The following NT5C3A variants were observed in gnomAD, a reference collection of about 807,000 sequenced individuals.
NT5C3A encodes the protein 5'-nucleotidase, cytosolic IIIA.
Under a neutral mutation model 40.0 loss-of-function variants are expected in NT5C3A, and 23 were observed. The ratio of observed to expected loss-of-function variants is 0.58; its 90% CI spans 0.41 to 0.81. NT5C3A has a LOEUF of 0.81. NT5C3A is among the 40% of genes least tolerant of loss of function. NT5C3A has a pLI of 0.00. For missense variants in NT5C3A, 328 were observed against 403.0 expected (o/e 0.81, Z 1.59); for synonymous variants, 130 against 141.4 (o/e 0.92, Z 0.57).
At chr7:33,053,190 TTTTTG>T (rs930266980) in intron 1 of NT5C3A, among the ~76,000 whole-genome samples, 5 of 152,088 alleles carry the variant, frequency 3.3e-5, no homozygotes, top group African/African-American at 1.2e-4. Context: ...TCTGTTTTTG[TTTTTG>T]TTTTTTTTCG....
intron 1 of NT5C3A, chr7:33,038,779 CT>C (rs1295647569): frequency 4.4e-6 from 2 of 449,446 alleles, no homozygotes; most frequent in African/African-American, 2.0e-5. Context: ...AACCAATAGG[CT>C]TGTAAACCTA....
rs765608618 is a variant in NT5C3A at position 33,026,820 on chromosome 7, A to C, written c.234T>G (p.Leu78=). Residue 78 remains leucine (L), a synonymous_variant, in exon 2 of 9, where the codon CTT becomes CTG. Transcript: ENST00000610140. ...CGLIKGGAAK[L]QIITDFDMTL... The stretch of plus-strand genomic sequence containing the variant: ...AGGCTTCTTGATAATTATTCACCTG[A>C]AGTTTGGCAGCTCCTCCTTTGATAA... The C allele has an allele frequency of 9.4e-6, 15 of 1,602,940 alleles. No individual in the cohort carries two copies. The East Asian group carries it at 3.1e-4, about 33-fold the overall frequency.
At chr7:33,053,379 G>A (rs547531661) in intron 1 of NT5C3A, among the ~76,000 whole-genome samples, 2 of 152,174 alleles carry the variant, frequency 1.3e-5, no homozygotes, top group East Asian at 3.9e-4. Flanking sequence ...GTAGAGACAG[G>A]GTTTCACCAT....
Position 33,041,848 on chromosome 7 carries a change from G to A in NT5C3A, c.139-14933C>T, listed in dbSNP as rs565110704. On this transcript the variant is annotated intron_variant, in intron 1 of 8. Coordinates refer to ENST00000610140, the MANE Select transcript of NT5C3A (RefSeq NM_001002010.5). ...ACCTGATAGATAAGTTATGCCATGG[G>A]CTGTGGGAACCTTTATCATTAGGGA... is the stretch of plus-strand genomic sequence containing the variant. Among the ~76,000 whole-genome samples the A allele has an allele frequency of 7.2e-5, 11 of 152,170 alleles. No homozygotes were observed. In the South Asian group the frequency reaches 2.3e-3, roughly 32 times the overall value.
chr7:33,046,543 A>C (rs1352448466), intron 1 of NT5C3A, among the ~76,000 whole-genome samples: 2 of 152,202 alleles, frequency 1.3e-5, no homozygotes, highest in East Asian at 3.9e-4. Flanking sequence ...AAAAAAAAAA[A>C]ATTGCAAAAA....
At chr7:33,049,827 A>G (rs921162282) in intron 1 of NT5C3A, among the ~76,000 whole-genome samples, 9 of 151,818 alleles carry the variant, frequency 5.9e-5, no homozygotes, top group African/African-American at 1.9e-4. Context: ...AAAATTAGCC[A>G]GGCGTGGTGG....
chr7:33,033,043 T>G (rs563488545), intron 1 of NT5C3A, among the ~76,000 whole-genome samples: 1 of 152,356 alleles, frequency 6.6e-6, no homozygotes, highest in South Asian at 2.1e-4. Context: ...TGAGCCACAG[T>G]GCCCAGCCTC....
intron 1 of NT5C3A, among the ~76,000 whole-genome samples, chr7:33,048,958 A>G (rs1787259656): frequency 6.6e-6 from 1 of 152,202 alleles, no homozygotes; most frequent in East Asian, 1.9e-4. Flanking sequence ...ATCATGTCTA[A>G]AAGTAAGTTG....
chr7:33,019,176 G>A (rs1359589144), intron 6 of NT5C3A, among the ~76,000 whole-genome samples: 1 of 151,766 alleles, frequency 6.6e-6, no homozygotes, highest in East Asian at 1.9e-4. Flanking sequence ...GATCGCTTGA[G>A]CCCAGGAGGC....
At chr7:33,057,785 T>G (rs943836653) in intron 1 of NT5C3A, among the ~76,000 whole-genome samples, 1 of 152,226 alleles carries the variant, frequency 6.6e-6, no homozygotes, top group African/African-American at 2.4e-5. Context: ...CGTTGAGAGA[T>G]ATATTTAAAT....
At chr7:33,057,133 C>T (rs1457638513) in intron 1 of NT5C3A, among the ~76,000 whole-genome samples, 3 of 151,960 alleles carry the variant, frequency 2.0e-5, no homozygotes, top group East Asian at 1.9e-4. Flanking sequence ...TTTTTAACTG[C>T]TCCTTGAGGA....
At chr7:33,054,772 T>G (rs1787505196) in intron 1 of NT5C3A, among the ~76,000 whole-genome samples, 1 of 152,258 alleles carries the variant, frequency 6.6e-6, no homozygotes, top group African/African-American at 2.4e-5. Flanking sequence ...CAGCCACTTG[T>G]GTGGCATCAT....
At chr7:33,028,799 T>C (rs1295135772) in intron 1 of NT5C3A, among the ~76,000 whole-genome samples, 1 of 152,160 alleles carries the variant, frequency 6.6e-6, no homozygotes, top group Non-Finnish European at 1.5e-5. Flanking sequence ...CTCACGCCTG[T>C]AATCCCAGCA....
chr7:33,050,542 A>C (rs1787324308), intron 1 of NT5C3A, among the ~76,000 whole-genome samples: 1 of 152,208 alleles, frequency 6.6e-6, no homozygotes, highest in South Asian at 2.1e-4. Context: ...GAGATAAGGC[A>C]AAGGAGAAGG....
chr7:33,041,233 A>T (rs1212657205), intron 1 of NT5C3A: 1 of 614,124 alleles, frequency 1.6e-6, no homozygotes, highest in Admixed American at 6.3e-5. Flanking sequence ...TTGTCAGTGT[A>T]CTTCTGATAT....
chr7:33,049,089 G>A (rs147355143), intron 1 of NT5C3A, among the ~76,000 whole-genome samples: 1 of 152,206 alleles, frequency 6.6e-6, no homozygotes, highest in Non-Finnish European at 1.5e-5. Flanking sequence ...CTTAATCCAG[G>A]AAGGCACTTA....
intron 7 of NT5C3A, 169 bp from the exon 8 acceptor site, chr7:33,016,039 A>G: frequency 1.6e-6 from 1 of 619,822 alleles, no homozygotes; most frequent in South Asian, 1.9e-5. Context: ...CATAGCTAAG[A>G]AGGGCTCGGA....
chr7:33,058,631 G>A (rs992310720), intron 1 of NT5C3A, among the ~76,000 whole-genome samples: 4 of 152,234 alleles, frequency 2.6e-5, no homozygotes, highest in Admixed American at 2.6e-4. Context: ...GATTACAGGC[G>A]GGAGCCGCCG....
intron 1 of NT5C3A, chr7:33,029,664 G>C (rs964620211): frequency 7.8e-7 from 1 of 1,289,830 alleles, no homozygotes; most frequent in Middle Eastern, 2.1e-4. Context: ...TTTGATAACG[G>C]ATAGGAGAAT....
Sources: allele counts gnomAD v4.1 joint callset (sites outside exome capture counted in the v4.1 genomes callset), GRCh38; gene constraint gnomAD v4.1.1; transcripts MANE v1.5; gene names NCBI Gene and HGNC (gene_info 2026-07-23, HGNC 2026-07-21).